The following LY75 variants were observed in gnomAD, a reference collection of about 807,000 sequenced individuals.
LY75 encodes the protein C-type lectin domain family 13 member B.
LY75 carries 185 observed loss-of-function variants against 231.7 expected under a neutral mutation model. The observed-to-expected ratio is 0.80, with a 90% CI of 0.71 to 0.90. The LOEUF (loss-of-function observed/expected upper bound fraction) is 0.90. Among genes scored for constraint, LY75 ranks in the 40% least tolerant of loss-of-function variants. LY75 has a pLI of 0.00. For synonymous variants in LY75, 668 were observed against 689.0 expected (o/e 0.97, Z 0.48); for missense variants, 1,947 against 2,050.2 (o/e 0.95, Z 0.97).
rs1374706822 is a variant in LY75, at chr2:159,835,547, A to G, written c.3606T>C (p.Thr1202=). 1.9e-6 allele frequency: 3 copies of G among 1,613,432 alleles called. No homozygotes were observed. Among genetic ancestry groups the G allele is most frequent in the African/African-American group, 1.3e-5 (1 of 75,024 alleles). The change falls in exon 26 of 35, where the codon ACT becomes ACC. Residue 1202 remains threonine, a synonymous_variant. Transcript: ENST00000263636. Reference sequence around the variant, plus strand: ...AATCAACTGTTTTCCAGAATCCATCAGTGTCTAATACTACACAGTCTTCGA... The same window carrying G: ...AATCAACTGTTTTCCAGAATCCATCGGTGTCTAATACTACACAGTCTTCGA... ...GQLEDCVVLD[T]DGFWKTVDCN...
At chr2:159,893,280 T>C (rs1685813478) in intron 3 of LY75, among the ~76,000 whole-genome samples, 1 of 152,216 alleles carries the variant, frequency 6.6e-6, no homozygotes, top group Admixed American at 6.5e-5. Flanking sequence ...ATTTCTCTAT[T>C]GCTCTTACAA....
intron 28 of LY75, among the ~76,000 whole-genome samples, chr2:159,829,487 A>G (rs867942418): frequency 5.9e-5 from 9 of 152,130 alleles, no homozygotes; most frequent in African/African-American, 2.2e-4. Flanking sequence ...AAAAATGTTT[A>G]AAAAAACAAA....
rs1298411409 is a variant in LY75 at position 159,850,024 on chromosome 2, A to T, written c.3106T>A (p.Phe1036Ile). Residue 1036 changes from phenylalanine (F) to isoleucine (I), a missense_variant, in exon 23 of 35, where the codon TTT (phenylalanine) becomes ATT (isoleucine). Phe to Ile is a conservative substitution (Grantham distance 21). Transcript: ENST00000263636. ...TDNRELTYSN[F>I]HPLLVSGRLR... Reference sequence around the variant, plus strand: ...CTCCCACTAACCAATAATGGGTGAAAGTTACTGTACGTCAGCTCTCTGTTA... The same window carrying T: ...CTCCCACTAACCAATAATGGGTGAATGTTACTGTACGTCAGCTCTCTGTTA... 5.6e-6 allele frequency: 9 copies of T among 1,613,954 alleles called. No individual in the cohort carries two copies. The Middle Eastern group carries it at 8.3e-4, about 148-fold the overall frequency.
intron 4 of LY75, among the ~76,000 whole-genome samples, chr2:159,889,391 T>TA (rs560751172): frequency 3.3e-5 from 5 of 151,782 alleles, no homozygotes; most frequent in African/African-American, 1.2e-4. Flanking sequence ...AACAGCCAAT[T>TA]AAAAAAAAAT....
chr2:159,819,063 G>T (rs1158208494), intron 29 of LY75, among the ~76,000 whole-genome samples: 1 of 152,198 alleles, frequency 6.6e-6, no homozygotes, highest in Non-Finnish European at 1.5e-5. Context: ...AATCCCTGGA[G>T]GTTGCTGGTG....
chr2:159,847,097 C>T (rs1436180863), intron 23 of LY75, among the ~76,000 whole-genome samples: 2 of 152,060 alleles, frequency 1.3e-5, no homozygotes, highest in East Asian at 1.9e-4. Context: ...CTGCAACTTC[C>T]GCCTCCCAGG....
In LY75 at chr2:159,878,332, A is replaced by G. The variant is rs745966671; in HGVS notation, c.1766T>C (p.Leu589Pro). 1.9e-6 allele frequency: 3 copies of G among 1,613,888 alleles called. No homozygotes were observed. In the South Asian group the frequency reaches 3.3e-5, roughly 18 times the overall value. Residue 589 changes from leucine to proline, a missense_variant, in exon 11 of 35, where the codon CTT becomes CCT. Transcript: ENST00000263636. The part of the protein sequence containing the change: ...RAVTFSNWNF[L>P]EPASPGGCVA... The stretch of plus-strand genomic sequence containing the variant: ...AAGATTAAGACACTCACCTGGCTCA[A>G]GAAAATTCCAGTTGGAAAAGGTTAC...
At chr2:159,867,173 A>G (rs1684881934) in intron 13 of LY75, among the ~76,000 whole-genome samples, 1 of 152,190 alleles carries the variant, frequency 6.6e-6, no homozygotes, top group South Asian at 2.1e-4. Flanking sequence ...AGATTGAAAA[A>G]AGTTTCATTT....
intron 14 of LY75, 34 bp from the exon 15 acceptor site, chr2:159,860,923 C>T (rs770769057): frequency 6.2e-7 from 1 of 1,612,314 alleles, no homozygotes; most frequent in South Asian, 1.1e-5. Flanking sequence ...GAATTTAAGA[C>T]TGATGTATAA....
intron 4 of LY75, among the ~76,000 whole-genome samples, chr2:159,887,716 G>A (rs888098340): frequency 2.6e-5 from 4 of 152,100 alleles, no homozygotes; most frequent in Non-Finnish European, 5.9e-5. Flanking sequence ...AGAGGAACTT[G>A]AAACATTAGA....
At chr2:159,846,817 G>A (rs1339352132) in intron 23 of LY75, among the ~76,000 whole-genome samples, 1 of 152,032 alleles carries the variant, frequency 6.6e-6, no homozygotes, top group Non-Finnish European at 1.5e-5. Flanking sequence ...AATACATGAA[G>A]GGTTTGATAG....
intron 8 of LY75, 21 bp from the exon 9 acceptor site, chr2:159,879,390 A>AT: frequency 6.2e-7 from 1 of 1,611,620 alleles, no homozygotes; most frequent in Non-Finnish European, 8.5e-7. Context: ...AGACAAAAAC[A>AT]TTTGCTTGGA....
chr2:159,842,652 A>G (rs772897651), intron 23 of LY75, among the ~76,000 whole-genome samples: 2 of 152,118 alleles, frequency 1.3e-5, no homozygotes, highest in Non-Finnish European at 2.9e-5. Context: ...AATATTTAAC[A>G]CTCGACTACA....
chr2:159,872,384 C>G, intron 13 of LY75, 67 bp downstream of exon 13: 1 of 1,561,132 alleles, frequency 6.4e-7, no homozygotes, highest in South Asian at 1.2e-5. Context: ...AGGGTAAGAA[C>G]ATGTCAATTT....
In LY75 at chr2:159,885,156, T is replaced by C. The variant is rs1685546441; in HGVS notation, c.1051A>G (p.Thr351Ala). Residue 351 changes from threonine to alanine, a missense_variant, in exon 6 of 35, where the codon ACA becomes GCA. Physicochemically the swap from Thr to Ala is moderately conservative, Grantham distance 58. Coordinates refer to ENST00000263636, the MANE Select transcript of LY75 (RefSeq NM_002349.4). ...RKPLNNTVEL[T>A]DVWTYSDTRC... Reference sequence around the variant, plus strand: ...TATGAGTATGTGAGAAAGATACCTGTTAACTCCACTGTATTATTTAATGGT... The same window carrying C: ...TATGAGTATGTGAGAAAGATACCTGCTAACTCCACTGTATTATTTAATGGT... 6.2e-7 allele frequency: 1 copy of C among 1,612,790 alleles called. No homozygotes were observed. The highest frequency in any genetic ancestry group is 8.5e-7 in the Non-Finnish European group (1 of 1,179,278).
chr2:159,808,656 A>G (rs1682861086), intron 32 of LY75, 85 bp from the exon 33 acceptor site: 3 of 1,527,708 alleles, frequency 2.0e-6, no homozygotes, highest in Admixed American at 3.9e-5. Flanking sequence ...AAAAATACAT[A>G]TATTATTAAC....
rs1684495869 is a variant in LY75, at chr2:159,854,634, G to A, written c.2420-99C>T. On this transcript the variant is annotated intron_variant, in intron 17 of 34. Coordinates refer to ENST00000263636, the MANE Select transcript of LY75 (RefSeq NM_002349.4). ...GTTCAAAACTATAAATAGTAATTCAGATTACCGGCCCTCTCTGGCTGGGGC... is the reference window on the plus strand; with the variant it reads ...GTTCAAAACTATAAATAGTAATTCAAATTACCGGCCCTCTCTGGCTGGGGC... The A allele has an allele frequency of 2.9e-6, 4 of 1,389,806 alleles. No individual in the cohort carries two copies. In the African/African-American group the frequency reaches 5.8e-5, roughly 20 times the overall value. 86.1% of individuals were successfully genotyped at this position (1,389,806 alleles called of 1,614,324 possible). A position where few individuals can be genotyped will look rare whatever the true frequency, so the allele number is the denominator to read the frequency against.
chr2:159,836,688 C>T (rs955162660), intron 25 of LY75, among the ~76,000 whole-genome samples: 5 of 152,210 alleles, frequency 3.3e-5, no homozygotes, highest in East Asian at 3.9e-4. Flanking sequence ...CAACACCACT[C>T]GCTGCTTCAT....
At chr2:159,904,518 A>T in intron 1 of LY75, 71 bp downstream of exon 1, 2 of 1,429,394 alleles carry the variant, frequency 1.4e-6, no homozygotes, top group Non-Finnish European at 1.8e-6. Context: ...GCCCTGCCCC[A>T]GGCTGGAAGG....
Sources: gnomAD v4.1 joint callset for allele counts (sites outside exome capture counted in the v4.1 genomes callset) on GRCh38, gnomAD v4.1.1 for gene constraint, MANE v1.5 for transcripts, NCBI Gene and HGNC (gene_info 2026-07-23, HGNC 2026-07-21) for gene names.